The following OLA1 variants were observed in gnomAD, a reference collection of about 807,000 sequenced individuals.
OLA1 encodes obg-like ATPase 1.
OLA1 carries 14 observed loss-of-function variants against 48.4 expected under a neutral mutation model. The ratio of observed to expected loss-of-function variants is 0.29; its 90% CI spans 0.19 to 0.45. The LOEUF (loss-of-function observed/expected upper bound fraction) is 0.45, where lower values mean the gene tolerates loss of function less well. OLA1 is among the 20% of genes least tolerant of loss of function. The pLI, the probability that OLA1 is intolerant of heterozygous loss-of-function variation, is 1.00. For missense variants in OLA1, 325 were observed against 467.1 expected, an observed-to-expected ratio of 0.70 and a Z score of 2.80; for synonymous variants, 127 against 150.4, an observed-to-expected ratio of 0.84 and a Z score of 1.14.
chr2:174,228,730 T>C (rs1688665779), intron 3 of OLA1, among the ~76,000 whole-genome samples: 1 of 151,504 alleles, frequency 6.6e-6, no homozygotes, highest in African/African-American at 2.5e-5. Flanking sequence ...ATTTCATACA[T>C]TTTTTATGCA....
At chr2:174,154,474 G>T (rs1686822625) in intron 4 of OLA1, among the ~76,000 whole-genome samples, 1 of 151,502 alleles carries the variant, frequency 6.6e-6, no homozygotes, top group Non-Finnish European at 1.5e-5. Flanking sequence ...GACTTTTTTG[G>T]GCCTAAAAGA....
At chr2:174,113,525 T>A (rs1685705056) in intron 7 of OLA1, among the ~76,000 whole-genome samples, 1 of 152,136 alleles carries the variant, frequency 6.6e-6, no homozygotes, top group South Asian at 2.1e-4. Flanking sequence ...AACAATGTTA[T>A]TAAATAGTTA....
chr2:174,118,036 T>C (rs1685824993), intron 7 of OLA1, among the ~76,000 whole-genome samples: 4 of 152,020 alleles, frequency 2.6e-5, no homozygotes, highest in Non-Finnish European at 5.9e-5. Flanking sequence ...CTTCCAATCA[T>C]GGCAAAGGTA....
intron 7 of OLA1, among the ~76,000 whole-genome samples, chr2:174,089,938 T>G (rs1013300501): frequency 3.9e-5 from 6 of 152,028 alleles, no homozygotes; most frequent in African/African-American, 1.2e-4. Flanking sequence ...ATTATGCTTT[T>G]CTTATCCTAA....
intron 5 of OLA1, chr2:174,124,264 A>T (rs1685993284): frequency 7.1e-6 from 1 of 140,364 alleles, no homozygotes; most frequent in African/African-American, 2.7e-5. Context: ...CCTCCATTAC[A>T]CAATGGCAAG....
intron 2 of OLA1, among the ~76,000 whole-genome samples, chr2:174,233,305 C>G (rs775836028): frequency 6.6e-5 from 10 of 152,048 alleles, no homozygotes; most frequent in Non-Finnish European, 1.3e-4. Flanking sequence ...ATCTGTTATA[C>G]AACAATGAAT....
intron 10 of OLA1, among the ~76,000 whole-genome samples, chr2:174,077,057 C>T (rs1397248284): frequency 6.6e-6 from 1 of 151,798 alleles, no homozygotes; most frequent in African/African-American, 2.4e-5. Context: ...CCATTTAATC[C>T]ATTTCCACTG....
At chr2:174,182,765 G>T (rs1687578214) in intron 4 of OLA1, among the ~76,000 whole-genome samples, 1 of 152,076 alleles carries the variant, frequency 6.6e-6, no homozygotes. Flanking sequence ...TCCCAAGCAG[G>T]TCTCTCCAGG....
At chr2:174,171,183 G>A (rs900290973) in intron 4 of OLA1, among the ~76,000 whole-genome samples, 10 of 152,070 alleles carry the variant, frequency 6.6e-5, no homozygotes, top group Admixed American at 3.3e-4. Flanking sequence ...AATCAGAACT[G>A]GAGATCTTAA....
At chr2:174,140,155 A>G (rs568757483) in intron 5 of OLA1, among the ~76,000 whole-genome samples, 1 of 152,282 alleles carries the variant, frequency 6.6e-6, no homozygotes, top group African/African-American at 2.4e-5. Flanking sequence ...AATCAACAAC[A>G]TTAAAGAAGA....
rs184981115 is a variant in OLA1, at chr2:174,127,051, C to A, written c.550-3376G>T. The stretch of plus-strand genomic sequence containing the variant: ...TGAATACCTCACTCTTCTGCTTTGA[C>A]TCTTCTTACTCAGAGCTTCACATTT... On this transcript the variant is annotated intron_variant, in intron 5 of 10. Transcript: ENST00000284719. Among the ~76,000 whole-genome samples the A allele has an allele frequency of 1.6e-4, 24 of 152,330 alleles. No homozygotes were observed. The East Asian group carries it at 4.6e-3, about 29-fold the overall frequency.
chr2:174,248,034 C>T (rs2105471576), intron 1 of OLA1: 1 of 365,678 alleles, frequency 2.7e-6, no homozygotes, highest in Non-Finnish European at 5.0e-6. Flanking sequence ...GATCCCTGAC[C>T]CCGAGGGCCA....
At chr2:174,159,523 C>G (rs1472981652) in intron 4 of OLA1, among the ~76,000 whole-genome samples, 1 of 152,092 alleles carries the variant, frequency 6.6e-6, no homozygotes, top group African/African-American at 2.4e-5. Context: ...AAACCCACAA[C>G]TGCTTTGGTT....
chr2:174,163,315 G>A (rs1687057067), intron 4 of OLA1, among the ~76,000 whole-genome samples: 1 of 152,162 alleles, frequency 6.6e-6, no homozygotes, highest in African/African-American at 2.4e-5. Flanking sequence ...AAAAAAAGAA[G>A]AGAAGTACTT....
At chr2:174,245,485 A>G (rs535965239) in intron 2 of OLA1, among the ~76,000 whole-genome samples, 1 of 152,362 alleles carries the variant, frequency 6.6e-6, no homozygotes, top group Non-Finnish European at 1.5e-5. Flanking sequence ...CCAATCTAAA[A>G]GGCCACCCTT....
At chr2:174,131,878 A>G (rs1686190115) in intron 5 of OLA1, among the ~76,000 whole-genome samples, 1 of 151,902 alleles carries the variant, frequency 6.6e-6, no homozygotes, top group African/African-American at 2.4e-5. Flanking sequence ...TCTCTCTTAC[A>G]TTGTAAGATT....
chr2:174,159,674 C>T (rs773909939), intron 4 of OLA1, among the ~76,000 whole-genome samples: 1 of 152,018 alleles, frequency 6.6e-6, no homozygotes, highest in Non-Finnish European at 1.5e-5. Context: ...AACATTACTT[C>T]TAAAATGGGG....
At chr2:174,126,347 G>C (rs1230280318) in intron 5 of OLA1, among the ~76,000 whole-genome samples, 1 of 151,988 alleles carries the variant, frequency 6.6e-6, no homozygotes, top group Admixed American at 6.5e-5. Flanking sequence ...AAAAAAAATT[G>C]AATACCCAAT....
intron 4 of OLA1, among the ~76,000 whole-genome samples, chr2:174,203,159 A>T (rs1352208516): frequency 6.6e-6 from 1 of 152,246 alleles, no homozygotes; most frequent in Non-Finnish European, 1.5e-5. Context: ...AATATTCAGT[A>T]TAAACCTTCT....
Sources: gnomAD v4.1 joint callset for allele counts (sites outside exome capture counted in the v4.1 genomes callset) on GRCh38, gnomAD v4.1.1 for gene constraint, MANE v1.5 for transcripts, NCBI Gene and HGNC (gene_info 2026-07-23, HGNC 2026-07-21) for gene names.